Variants in NLRP12 observed in about 807,000 individuals in gnomAD.
The protein encoded by NLRP12 is NLR family pyrin domain containing 12, also known as NACHT, LRR and PYD domains-containing protein 12.
A neutral mutation model predicts 91.2 loss-of-function variants in NLRP12; 108 were observed. That is an observed-to-expected ratio of 1.18 (90% CI 1.01 to 1.39). The LOEUF (loss-of-function observed/expected upper bound fraction) is 1.39, where lower values mean the gene tolerates loss of function less well. Among genes scored for constraint, NLRP12 ranks in the 40% most tolerant of loss-of-function variants. The pLI is 0.00. For synonymous variants in NLRP12, 613 were observed against 566.7 expected (o/e 1.08, Z -1.16); for missense variants, 1,530 against 1,352.7 (o/e 1.13, Z -2.06).
In NLRP12 at chr19:53,823,936, ATCC is replaced by A; in HGVS notation, c.236_238del (p.Arg79_Ile80delinsLeu). 1.2e-6 allele frequency: 2 copies of A among 1,613,996 alleles called. No homozygotes were observed. The highest frequency in any genetic ancestry group is 2.2e-5 in the South Asian group (2 of 91,072). On this transcript the variant is annotated inframe_deletion, in exon 1 of 10. Coordinates refer to ENST00000324134, the MANE Select transcript of NLRP12 (RefSeq NM_144687.4). ...TCTCTCCCACAGGTCCTTCCTGTTT[ATCC>A]GCTCAAAGGTGCTGAGAGCCAACCT...
intron 1 of NLRP12, among the ~76,000 whole-genome samples, chr19:53,818,394 G>A (rs901001433): frequency 3.3e-5 from 5 of 151,916 alleles, no homozygotes; most frequent in Non-Finnish European, 5.9e-5. Context: ...CCAGGCCAGC[G>A]CGGTGGCTCA....
In NLRP12 at chr19:53,805,449, G is replaced by A. The variant is rs749382014; in HGVS notation, c.2245C>T (p.Leu749=). Residue 749 remains leucine (L), a splice_region_variant and synonymous_variant, in exon 5 of 10, where the codon CTG becomes TTG. Transcript: ENST00000324134. ...HPNCKLQNLR[L]KRCRISSSAC... ...GAGCTGGAGATGCGGCACCTCTTCA[G>A]CCTGGGGTGGAAAAGAGGAGAAAGG... 6.2e-7 allele frequency: 1 copy of A among 1,613,720 alleles called. No homozygotes were observed. Among genetic ancestry groups the A allele is most frequent in the East Asian group, 2.2e-5 (1 of 44,878 alleles).
intron 7 of NLRP12, 89 bp downstream of exon 7, chr19:53,801,138 G>T: frequency 8.2e-7 from 1 of 1,218,372 alleles, no homozygotes; most frequent in Non-Finnish European, 1.2e-6. Flanking sequence ...GAGTTTAGGA[G>T]CAGAGACAAC....
chr19:53,823,832 G>A (rs2092304649), intron 1 of NLRP12, 54 bp downstream of exon 1: 1 of 1,599,322 alleles, frequency 6.3e-7, no homozygotes, highest in Non-Finnish European at 8.6e-7. Flanking sequence ...TTACAGGTAT[G>A]AGTCACTGGA....
At chr19:53,823,151 GTA>G (rs534661992) in intron 1 of NLRP12, among the ~76,000 whole-genome samples, 2 of 15,170 alleles carry the variant, frequency 1.3e-4, no homozygotes, top group Non-Finnish European at 3.8e-4. Flanking sequence ...ATACGTGTGT[GTA>G]TATATATATA....
At chr19:53,814,845 C>T in intron 2 of NLRP12, 63 bp downstream of exon 2, 1 of 1,384,874 alleles carries the variant, frequency 7.2e-7, no homozygotes, top group Admixed American at 1.7e-5. Context: ...GGTTGGCCTA[C>T]ACTCCGTGGG....
Position 53,793,968 on chromosome 19 carries a change from A to G in NLRP12, c.*81T>C, listed in dbSNP as rs1251878816. On this transcript the variant is annotated 3_prime_UTR_variant, in exon 10 of 10. Transcript: ENST00000324134. The stretch of plus-strand genomic sequence containing the variant: ...GAGTCTGTCTCTAGGAAGGAGGCTG[A>G]TCATTATGCTGGGGGGGTGATGAGC... 9 of 951,450 alleles carry G rather than the reference A, an allele frequency of 9.5e-6. No homozygotes were observed. The Admixed American group carries it at 1.2e-4, about 13-fold the overall frequency. 58.9% of individuals were successfully genotyped at this position (951,450 alleles called of 1,614,324 possible).
rs138514430 is a variant in NLRP12, at chr19:53,801,291, C to A, written c.2692G>T (p.Asp898Tyr). The A allele has an allele frequency of 1.7e-4, 272 of 1,613,902 alleles. 1 individual carries two copies. The African/African-American group carries it at 2.2e-3, about 13-fold the overall frequency. ...ELDLSLNELG[D>Y]LGVLLLCEGL... Reference sequence around the variant, plus strand: ...TCACACAGCAGCAGCACCCCGAGGTCCCCCAGCTCATTCAGGCTCAGGTCC... The same window carrying A: ...TCACACAGCAGCAGCACCCCGAGGTACCCCAGCTCATTCAGGCTCAGGTCC... Residue 898 changes from aspartate to tyrosine, a missense_variant, in exon 7 of 10, where the codon GAC becomes TAC. Transcript: ENST00000324134.
chr19:53,810,786 G>C lies in NLRP12; in HGVS notation c.873C>G (p.Phe291Leu). Reference protein sequence around the residue: ...ELIRVPERLLFIIDGFDELKP... With the variant: ...ELIRVPERLLLIIDGFDELKP... Reference sequence around the variant, plus strand: ...TGAGCTCATCGAAGCCGTCGATGATGAAAAGGAGGCGCTCGGGAACTCGGA... The same window carrying C: ...TGAGCTCATCGAAGCCGTCGATGATCAAAAGGAGGCGCTCGGGAACTCGGA... The change falls in exon 3 of 10, where the codon TTC (phenylalanine) becomes TTG (leucine). Residue 291 changes from phenylalanine to leucine, a missense_variant. Physicochemically the swap from Phe to Leu is conservative, Grantham distance 22. Coordinates refer to ENST00000324134, the MANE Select transcript of NLRP12 (RefSeq NM_144687.4). The C allele has an allele frequency of 1.9e-6, 3 of 1,614,098 alleles. No homozygotes were observed. The highest frequency in any genetic ancestry group is 2.5e-6 in the Non-Finnish European group (3 of 1,180,036).
Position 53,810,136 on chromosome 19 carries a change from C to T in NLRP12, c.1523G>A (p.Arg508Lys), listed in dbSNP as rs2092040588. The T allele has an allele frequency of 3.7e-6, 6 of 1,614,138 alleles. No homozygotes were observed. Among genetic ancestry groups the T allele is most frequent in the Non-Finnish European group, 5.1e-6 (6 of 1,180,008 alleles). The change falls in exon 3 of 10, where the codon AGG becomes AAG. Residue 508 changes from arginine to lysine, a missense_variant. Arg to Lys is a conservative substitution (Grantham distance 26, BLOSUM62 2). Transcript: ENST00000324134. ...NIFQKDINCE[R>K]YYSFIHLSFQ... The stretch of plus-strand genomic sequence containing the variant: ...ACTCAAGTGGATGAAGCTGTAGTAC[C>T]TCTCACAGTTGATGTCCTTCTGGAA...
At chr19:53,794,179 G>A in intron 9 of NLRP12, 43 bp from the exon 10 acceptor site, 2 of 1,277,880 alleles carry the variant, frequency 1.6e-6, no homozygotes, top group Non-Finnish European at 1.1e-6. Flanking sequence ...TACTACTGTG[G>A]CATTCAATTA....
Position 53,824,087 on chromosome 19 carries a change from ACTTGAACTT to A in NLRP12, c.79_87del (p.Lys27_Lys29del). Reference sequence around the variant, plus strand: ...AGCTCTGTCGCGGTCCCCAGGTATAACTTGAACTTCTTCAGTTCCACAGCCTCGAGTTCT... The same window carrying A: ...AGCTCTGTCGCGGTCCCCAGGTATAACTTCAGTTCCACAGCCTCGAGTTCT... On this transcript the variant is annotated inframe_deletion, in exon 1 of 10. Transcript: ENST00000324134. 1 of 1,614,030 alleles carries A rather than the reference ACTTGAACTT, an allele frequency of 6.2e-7. No individual in the cohort carries two copies. Among genetic ancestry groups the A allele is most frequent in the Non-Finnish European group, 8.5e-7 (1 of 1,179,992 alleles).
chr19:53,816,376 G>GC (rs141048455), intron 1 of NLRP12, among the ~76,000 whole-genome samples: 21,959 of 149,368 alleles, frequency 0.15, 1,680 homozygotes, highest in Middle Eastern at 0.27. Context: ...TACACAGCCC[G>GC]CCCCCCCCAA....
chr19:53,820,791 C>T (rs1018554284), intron 1 of NLRP12, among the ~76,000 whole-genome samples: 3 of 149,916 alleles, frequency 2.0e-5, no homozygotes, highest in Non-Finnish European at 4.4e-5. Flanking sequence ...AGGTTCACGC[C>T]ATTCTCCTGC....
At position 53,810,804 on chromosome 19, in the gene NLRP12, A is replaced by T; in HGVS notation, c.855T>A (p.Val285=). 1.2e-6 allele frequency: 2 copies of T among 1,614,128 alleles called. No individual in the cohort carries two copies. Among genetic ancestry groups the T allele is most frequent in the Non-Finnish European group, 1.7e-6 (2 of 1,180,032 alleles). Residue 285 remains valine (V), a synonymous_variant, in exon 3 of 10, where the codon GTT becomes GTA. Coordinates refer to ENST00000324134, the MANE Select transcript of NLRP12 (RefSeq NM_144687.4). ...PSAPLQELIR[V]PERLLFIIDG... The stretch of plus-strand genomic sequence containing the variant: ...CGATGATGAAAAGGAGGCGCTCGGG[A>T]ACTCGGATGAGCTCCTGGAGAGGCG...
chr19:53,811,229 T>TGC lies in NLRP12; in HGVS notation c.428_429dup (p.Asn144AlafsTer5). On this transcript the variant is annotated frameshift_variant, in exon 3 of 10. Transcript: ENST00000324134. LOFTEE classifies it high-confidence loss of function. ...TTGACACATTCCCCTAGGCGCGCATTGCGGTCTTCCATGAGCCGGAATTTC... is the reference window on the plus strand; with the variant it reads ...TTGACACATTCCCCTAGGCGCGCATTGCGCGGTCTTCCATGAGCCGGAATTTC... 6.2e-7 allele frequency: 1 copy of TGC among 1,614,078 alleles called. No individual in the cohort carries two copies. Among genetic ancestry groups the TGC allele is most frequent in the African/African-American group, 1.3e-5 (1 of 75,046 alleles).
At chr19:53,795,751 A>G (rs965412205) in intron 9 of NLRP12, 108 bp downstream of exon 9, 62 of 928,622 alleles carry the variant, frequency 6.7e-5, no homozygotes, top group Non-Finnish European at 1.0e-4. Context: ...TATGCCCCCT[A>G]ATTGCATACA....
chr19:53,801,194 G>C (rs879584425), intron 7 of NLRP12, 33 bp downstream of exon 7: 1 of 1,607,504 alleles, frequency 6.2e-7, no homozygotes, highest in Non-Finnish European at 8.5e-7. Context: ...CATGGATTGG[G>C]ACTCCTAGCG....
rs923117109 is a variant in NLRP12, at chr19:53,804,393, G to GTTTTTTTTTTTTTTTTTTTTTT, written c.2415-272_2415-271insAAAAAAAAAAAAAAAAAAAAAA. ...TTTGTTTGTTTTTTGTTTTTTTTGG[G>GTTTTTTTTTTTTTTTTTTTTTT]TTTTTTTGTTTTTTTTTTTTTTTGA... On this transcript the variant is annotated intron_variant, in intron 5 of 9. Coordinates refer to ENST00000324134, the MANE Select transcript of NLRP12 (RefSeq NM_144687.4). Among the ~76,000 whole-genome samples, 2 of 114,802 alleles carry GTTTTTTTTTTTTTTTTTTTTTT rather than the reference G, an allele frequency of 1.7e-5. 1 individual carries two copies. Among genetic ancestry groups the GTTTTTTTTTTTTTTTTTTTTTT allele is most frequent in the Non-Finnish European group, 3.6e-5 (2 of 55,266 alleles). The allele number at this position is 114,802 out of a possible 152,430, so 75.3% of individuals were successfully genotyped here. A position where few individuals can be genotyped will look rare whatever the true frequency, so the allele number is the denominator to read the frequency against.
Sources: gnomAD v4.1 joint callset for allele counts (sites outside exome capture counted in the v4.1 genomes callset) on GRCh38, gnomAD v4.1.1 for gene constraint, MANE v1.5 for transcripts, NCBI Gene and HGNC (gene_info 2026-07-23, HGNC 2026-07-21) for gene names.